The following INSL6 variants were observed in gnomAD, a reference collection of about 807,000 sequenced individuals.
INSL6 encodes the protein insulin-like peptide INSL6.
In INSL6, 16 loss-of-function variants were observed where a neutral mutation model predicts 9.4. The observed-to-expected ratio is 1.70, with a 90% CI of 1.15 to 2.59. The LOEUF is 2.59. Among genes scored for constraint, INSL6 ranks in the 30% most tolerant of loss-of-function variants. The pLI, the probability that INSL6 is intolerant of heterozygous loss-of-function variation, is 0.00. For synonymous variants in INSL6, 154 were observed against 96.9 expected, an observed-to-expected ratio of 1.59 and a Z score of -3.46; for missense variants, 391 against 257.3, an observed-to-expected ratio of 1.52 and a Z score of -3.56.
the INSL6 span, among the ~76,000 whole-genome samples, chr9:5,058,053 G>A: frequency 6.6e-6 from 1 of 152,060 alleles, no homozygotes; most frequent in South Asian, 2.1e-4. Context: ...TATGTATTCT[G>A]TGTCATGTAT....
chr9:5,083,377 G>A, the INSL6 span, among the ~76,000 whole-genome samples: 1 of 152,184 alleles, frequency 6.6e-6, no homozygotes, highest in Non-Finnish European at 1.5e-5. Context: ...TCTCGCATAA[G>A]CTTGCTAGGA....
intron 3 of INSL6, among the ~76,000 whole-genome samples, chr9:5,129,017 C>T (rs1248462189): frequency 2.0e-5 from 3 of 152,004 alleles, no homozygotes; most frequent in African/African-American, 7.2e-5. Context: ...TTTATATATG[C>T]TGCCAGTAAC....
At chr9:5,173,530 G>A (rs1825230199) in intron 1 of INSL6, among the ~76,000 whole-genome samples, 2 of 152,120 alleles carry the variant, frequency 1.3e-5, no homozygotes, top group Non-Finnish European at 2.9e-5. Context: ...AACACAGCAA[G>A]TTCTCCCTTA....
At chr9:5,055,018 G>A in the INSL6 span, 2 of 577,544 alleles carry the variant, frequency 3.5e-6, no homozygotes, top group Non-Finnish European at 5.9e-6. Context: ...TTAATAGCGT[G>A]AACCTATCAA....
In INSL6 at chr9:5,150,846, GACAC is replaced by G. The variant is rs59479266; in HGVS notation, c.376+13329_376+13332del. On this transcript the variant is annotated intron_variant, in intron 2 of 3. Coordinates refer to the INSL6 transcript ENST00000649639. Reference sequence around the variant, plus strand: ...CATCAACAGATGACTGGATAAAGGAGACACACACACACACACACACACACACACA... The same window carrying G: ...CATCAACAGATGACTGGATAAAGGAGACACACACACACACACACACACACA... 3.0e-3 allele frequency among the ~76,000 whole-genome samples: 440 copies of G among 146,360 alleles called. 3 individuals are homozygous for G. The highest frequency in any genetic ancestry group is 7.5e-3 in the Admixed American group (110 of 14,730).
At chr9:5,049,507 A>C in the INSL6 span, among the ~76,000 whole-genome samples, 1 of 152,218 alleles carries the variant, frequency 6.6e-6, no homozygotes, top group South Asian at 2.1e-4. Context: ...CAAATCTTCC[A>C]TGAAACCCTC....
downstream of INSL6, among the ~76,000 whole-genome samples, chr9:5,122,530 C>T (rs780832561): frequency 3.7e-4 from 56 of 152,014 alleles, no homozygotes; most frequent in Non-Finnish European, 6.3e-4. Context: ...TCTACAGAGA[C>T]AAAAATAAAT....
At chr9:5,148,113 T>C (rs1309189793) in intron 2 of INSL6, among the ~76,000 whole-genome samples, 2 of 152,224 alleles carry the variant, frequency 1.3e-5, no homozygotes, top group African/African-American at 4.8e-5. Flanking sequence ...GGGGATACTA[T>C]TTTTTAATTG....
chr9:5,039,306 C>A, the INSL6 span, among the ~76,000 whole-genome samples: 21 of 152,250 alleles, frequency 1.4e-4, no homozygotes, highest in African/African-American at 4.6e-4. Flanking sequence ...TGTGCTTACA[C>A]TGAACATGTA....
the INSL6 span, among the ~76,000 whole-genome samples, chr9:5,044,032 A>T: frequency 2.0e-5 from 3 of 152,342 alleles, no homozygotes; most frequent in East Asian, 1.9e-4. Context: ...TTTAACTTCC[A>T]TTTCTCCAAA....
At chr9:5,088,780 G>A in the INSL6 span, among the ~76,000 whole-genome samples, 1 of 152,202 alleles carries the variant, frequency 6.6e-6, no homozygotes, top group Non-Finnish European at 1.5e-5. Flanking sequence ...GGGAGAGAGA[G>A]ATTGCTCTAA....
chr9:5,090,373 T>C, the INSL6 span: 17 of 1,100,250 alleles, frequency 1.5e-5, no homozygotes, highest in Non-Finnish European at 1.8e-5. Flanking sequence ...GTCATTTATG[T>C]ATGATAGTTT....
At chr9:5,152,871 T>C (rs1454376267) in intron 2 of INSL6, among the ~76,000 whole-genome samples, 1 of 152,068 alleles carries the variant, frequency 6.6e-6, no homozygotes, top group East Asian at 1.9e-4. Flanking sequence ...TTGGGACTGG[T>C]TAGAGAGTGG....
intron 1 of INSL6, among the ~76,000 whole-genome samples, chr9:5,165,945 A>G (rs1342242632): frequency 6.6e-6 from 1 of 152,204 alleles, no homozygotes; most frequent in Non-Finnish European, 1.5e-5. Flanking sequence ...GCCACAGTGG[A>G]ACAAACTGGA....
intron 3 of INSL6, chr9:5,126,247 T>A (rs1823986746): frequency 1.1e-6 from 1 of 883,260 alleles, no homozygotes; most frequent in Non-Finnish European, 1.8e-6. Flanking sequence ...ATATACTAAA[T>A]TTTTTCCCAT....
downstream of INSL6, among the ~76,000 whole-genome samples, chr9:5,123,428 T>G (rs962759597): frequency 2.0e-5 from 3 of 152,116 alleles, no homozygotes; most frequent in Non-Finnish European, 2.9e-5. Context: ...TATGGCTGAT[T>G]TGTTTCACTT....
the INSL6 span, chr9:5,022,053 T>C: frequency 6.2e-7 from 1 of 1,614,090 alleles, no homozygotes; most frequent in Non-Finnish European, 8.5e-7. Context: ...TATATCAGAA[T>C]GGTGATATTT....
chr9:5,028,269 A>C, the INSL6 span, among the ~76,000 whole-genome samples: 1 of 152,200 alleles, frequency 6.6e-6, no homozygotes, highest in Non-Finnish European at 1.5e-5. Context: ...GACCAGGTGC[A>C]TTGTCAATGA....
At chr9:5,107,501 T>C in the INSL6 span, among the ~76,000 whole-genome samples, 128 of 152,252 alleles carry the variant, frequency 8.4e-4, 3 homozygotes, top group Non-Finnish European at 3.1e-4. Flanking sequence ...ACAGCCCTTA[T>C]ACTAGTTATC....
Sources: allele counts gnomAD v4.1 joint callset (sites outside exome capture counted in the v4.1 genomes callset), GRCh38; gene constraint gnomAD v4.1.1; transcripts MANE v1.5; gene names NCBI Gene and HGNC (gene_info 2026-07-23, HGNC 2026-07-21).